Variants in CTNNA1 observed in about 807,000 individuals in gnomAD.
The protein encoded by CTNNA1 is catenin alpha 1, also known as catenin alpha-1.
A neutral mutation model predicts 98.4 loss-of-function variants in CTNNA1; 37 were observed. The ratio of observed to expected loss-of-function variants is 0.38; its 90% CI spans 0.29 to 0.49. The LOEUF is 0.49. Ranked by LOEUF, CTNNA1 falls within the 20% of genes least tolerant of loss-of-function variation. The probability of loss-of-function intolerance (pLI) is 0.95; values close to 1 mark genes in which losing one functional copy is unlikely to be tolerated. For missense variants in CTNNA1, 761 were observed against 1,147.2 expected (o/e 0.66, Z 4.86); for synonymous variants, 404 against 413.2 (o/e 0.98, Z 0.27).
At chr5:138,827,022 C>A (rs1038641286) in intron 6 of CTNNA1, among the ~76,000 whole-genome samples, 1 of 152,230 alleles carries the variant, frequency 6.6e-6, no homozygotes, top group Non-Finnish European at 1.5e-5. Context: ...TCAAACAATC[C>A]TCCTTCAATC....
intron 10 of CTNNA1, among the ~76,000 whole-genome samples, chr5:138,909,213 TATTAAC>T (rs1238236531): frequency 5.3e-5 from 8 of 152,330 alleles, no homozygotes; most frequent in East Asian, 1.9e-4. Context: ...TACACATTCG[TATTAAC>T]ATTAAGTTAA....
At chr5:138,780,270 A>G (rs1234380329) in intron 1 of CTNNA1, among the ~76,000 whole-genome samples, 2 of 151,710 alleles carry the variant, frequency 1.3e-5, no homozygotes, top group Admixed American at 1.3e-4. Flanking sequence ...TGCTACTGCA[A>G]GCTCCGTCTC....
At chr5:138,929,675 G>A (rs1389095455) in intron 14 of CTNNA1, among the ~76,000 whole-genome samples, 2 of 152,166 alleles carry the variant, frequency 1.3e-5, no homozygotes, top group Non-Finnish European at 1.5e-5. Flanking sequence ...AAAGATTGCT[G>A]CCTTTGTCCA....
intron 17 of CTNNA1, among the ~76,000 whole-genome samples, chr5:138,933,275 T>C (rs1230798840): frequency 6.6e-6 from 1 of 152,200 alleles, no homozygotes; most frequent in Non-Finnish European, 1.5e-5. Context: ...TTTTACCACA[T>C]CACAGTTCTG....
chr5:138,845,655 A>G (rs1762648210), intron 7 of CTNNA1, among the ~76,000 whole-genome samples: 1 of 152,240 alleles, frequency 6.6e-6, no homozygotes, highest in African/African-American at 2.4e-5. Flanking sequence ...CTTTTCATAA[A>G]CAGGAATTAT....
chr5:138,926,566 T>A lies in CTNNA1; in HGVS notation c.1899+1159T>A, dbSNP rs552535701. ...AGTGCGTCCACCCCTCTGCATCCCA[T>A]GTCTGTGTGCTCTACCTTCCTCCTA... On this transcript the variant is annotated intron_variant, in intron 13 of 17. Coordinates refer to ENST00000302763, the MANE Select transcript of CTNNA1 (RefSeq NM_001903.5). Among the ~76,000 whole-genome samples the A allele has an allele frequency of 3.3e-5, 5 of 150,030 alleles. No individual in the cohort carries two copies. In the South Asian group the frequency reaches 1.1e-3, roughly 33 times the overall value.
intron 10 of CTNNA1, among the ~76,000 whole-genome samples, chr5:138,909,003 A>G (rs546640826): frequency 2.6e-5 from 4 of 152,202 alleles, no homozygotes; most frequent in African/African-American, 7.2e-5. Flanking sequence ...AGTCTATAGT[A>G]GCTGCTTTAA....
chr5:138,784,963 C>T (rs1416459952), intron 3 of CTNNA1, among the ~76,000 whole-genome samples: 2 of 152,230 alleles, frequency 1.3e-5, no homozygotes, highest in Non-Finnish European at 1.5e-5. Flanking sequence ...TCTGCAAAGA[C>T]CCTGTTTCCA....
chr5:138,871,488 G>A, intron 7 of CTNNA1: 1 of 152,216 alleles, frequency 6.6e-6, no homozygotes, highest in Non-Finnish European at 1.5e-5. Context: ...CATGAAAAAT[G>A]TGGCATCCTT....
chr5:138,840,235 A>G (rs529181411), intron 7 of CTNNA1, among the ~76,000 whole-genome samples: 4 of 152,358 alleles, frequency 2.6e-5, no homozygotes, highest in East Asian at 3.8e-4. Flanking sequence ...ACCAAGGGAC[A>G]TGCCTTCTGT....
At chr5:138,854,202 T>C (rs1763508487) in intron 7 of CTNNA1, among the ~76,000 whole-genome samples, 1 of 152,244 alleles carries the variant, frequency 6.6e-6, no homozygotes, top group Admixed American at 6.5e-5. Flanking sequence ...GAATTATTTA[T>C]GGATATACAA....
At chr5:138,760,104 C>A (rs1219898817) in intron 1 of CTNNA1, among the ~76,000 whole-genome samples, 1 of 147,978 alleles carries the variant, frequency 6.8e-6, no homozygotes, top group Non-Finnish European at 1.5e-5. Flanking sequence ...AAGCGATTCT[C>A]CTGCCTCAGC....
Position 138,904,460 on chromosome 5 carries a change from T to C in CTNNA1, c.1389+19T>C. The C allele has an allele frequency of 6.2e-7, 1 of 1,604,256 alleles. No homozygotes were observed. Among genetic ancestry groups the C allele is most frequent in the Non-Finnish European group, 8.5e-7 (1 of 1,176,404 alleles). ...TCCTCAGGTAAAGTACAACTGACAC[T>C]GGTGACAGCATAACCAAATTAAATT... On this transcript the variant is annotated intron_variant, in intron 10 of 17. Coordinates refer to ENST00000302763, the MANE Select transcript of CTNNA1 (RefSeq NM_001903.5).
At chr5:138,843,384 A>T (rs1164515751) in intron 7 of CTNNA1, among the ~76,000 whole-genome samples, 1 of 152,160 alleles carries the variant, frequency 6.6e-6, no homozygotes, top group Non-Finnish European at 1.5e-5. Context: ...TTAGCATGTT[A>T]GATGTCTGAG....
At chr5:138,827,378 C>T (rs1464556429) in intron 6 of CTNNA1, 137 bp from the exon 7 acceptor site, 1 of 946,788 alleles carries the variant, frequency 1.1e-6, no homozygotes, top group Non-Finnish European at 1.6e-6. Flanking sequence ...AGCCCCTTAC[C>T]TGCTAAGAAG....
At chr5:138,839,638 A>G (rs1290877375) in intron 7 of CTNNA1, among the ~76,000 whole-genome samples, 2 of 152,192 alleles carry the variant, frequency 1.3e-5, no homozygotes, top group African/African-American at 4.8e-5. Context: ...AGAGTGTTGC[A>G]GTCTCCAACT....
intron 9 of CTNNA1, among the ~76,000 whole-genome samples, chr5:138,893,036 T>A (rs1484181863): frequency 1.3e-5 from 2 of 151,996 alleles, no homozygotes; most frequent in Non-Finnish European, 2.9e-5. Context: ...AATAAATAAA[T>A]AAAAATAAAT....
chr5:138,887,355 A>T, intron 8 of CTNNA1, 135 bp from the exon 9 acceptor site: 1 of 587,044 alleles, frequency 1.7e-6, no homozygotes, highest in Non-Finnish European at 2.9e-6. Context: ...CATGGCTTAC[A>T]TGAGGGGTCC....
chr5:138,867,544 T>C (rs538348578), intron 7 of CTNNA1, among the ~76,000 whole-genome samples: 1 of 152,220 alleles, frequency 6.6e-6, no homozygotes, highest in South Asian at 2.1e-4. Context: ...GGTCTACTTA[T>C]ATGTGGATTT....
Sources: allele counts gnomAD v4.1 joint callset (sites outside exome capture counted in the v4.1 genomes callset), GRCh38; gene constraint gnomAD v4.1.1; transcripts MANE v1.5; gene names NCBI Gene and HGNC (gene_info 2026-07-23, HGNC 2026-07-21).